Variants in NOTCH1 observed in about 807,000 individuals in gnomAD.
NOTCH1 encodes neurogenic locus notch homolog protein 1.
Under a neutral mutation model 254.8 loss-of-function variants are expected in NOTCH1, and 37 were observed. That is an observed-to-expected ratio of 0.15 (90% CI 0.11 to 0.19). The LOEUF is 0.19. Ranked by LOEUF, NOTCH1 falls within the 10% of genes least tolerant of loss-of-function variation. The pLI, the probability that NOTCH1 is intolerant of heterozygous loss-of-function variation, is 1.00. For synonymous variants in NOTCH1, 1,731 were observed against 1,618.1 expected, an observed-to-expected ratio of 1.07 and a Z score of -1.68; for missense variants, 2,972 against 3,708.6, an observed-to-expected ratio of 0.80 and a Z score of 5.16.
intron 26 of NOTCH1, among the ~76,000 whole-genome samples, chr9:136,504,244 C>A (rs1280283978): frequency 6.6e-6 from 1 of 152,228 alleles, no homozygotes; most frequent in Non-Finnish European, 1.5e-5. Context: ...CCTATGTTGC[C>A]CAGACTGGTC....
chr9:136,544,617 C>G (rs958195846), intron 1 of NOTCH1, among the ~76,000 whole-genome samples: 1 of 151,978 alleles, frequency 6.6e-6, no homozygotes, highest in Non-Finnish European at 1.5e-5. Context: ...GACAGCTGCT[C>G]GCCCGCTACC....
At chr9:136,527,247 C>T (rs571116640) in intron 2 of NOTCH1, among the ~76,000 whole-genome samples, 49 of 152,350 alleles carry the variant, frequency 3.2e-4, no homozygotes, top group African/African-American at 9.6e-4. Flanking sequence ...AGCACCCAGA[C>T]GTCCCTGAGA....
chr9:136,517,257 G>A lies in NOTCH1; in HGVS notation c.1555+15C>T, dbSNP rs577175237. 75 of 1,537,042 alleles carry A rather than the reference G, an allele frequency of 4.9e-5. No homozygotes were observed. The highest frequency in any genetic ancestry group is 1.1e-4 in the African/African-American group (8 of 73,342). ...TGCAGACGACCCGGGGGCAGGGGGC[G>A]GGGGTGGCCCTCACCCGTGGGGCAC... On this transcript the variant is annotated intron_variant, in intron 9 of 33. Coordinates refer to ENST00000651671, the MANE Select transcript of NOTCH1 (RefSeq NM_017617.5).
At chr9:136,510,019 G>T in intron 17 of NOTCH1, 58 bp from the exon 18 acceptor site, 2 of 1,519,170 alleles carry the variant, frequency 1.3e-6, no homozygotes, top group South Asian at 1.1e-5. Context: ...ACCTGCGGGA[G>T]GGGGCCGGGA....
intron 2 of NOTCH1, among the ~76,000 whole-genome samples, chr9:136,529,052 C>G (rs747998762): frequency 6.6e-6 from 1 of 152,152 alleles, no homozygotes; most frequent in Non-Finnish European, 1.5e-5. Context: ...GGCAGGGGCA[C>G]CCCCACGCCC....
intron 33 of NOTCH1, 45 bp from the exon 34 acceptor site, chr9:136,497,603 G>A (rs767028334): frequency 1.5e-5 from 23 of 1,488,926 alleles, no homozygotes; most frequent in African/African-American, 8.3e-5. Flanking sequence ...CAGGCCAGGC[G>A]TGGGGACCCT....
Position 136,505,742 on chromosome 9 carries a change from A to G in NOTCH1, c.4154T>C (p.Phe1385Ser), listed in dbSNP as rs1291346876. 1 of 1,591,074 alleles carries G rather than the reference A, an allele frequency of 6.3e-7. No individual in the cohort carries two copies. The highest frequency in any genetic ancestry group is 8.6e-7 in the Non-Finnish European group (1 of 1,167,014). ...GCCCAGGCAGGGGCTGCTGGCCGGG[A>G]ACTGGCATTCGGGGCCCGTGAAGGG... is the stretch of plus-strand genomic sequence containing the variant. ...LGPFTGPECQ[F>S]PASSPCLGGN... The change falls in exon 25 of 34, where the codon TTC becomes TCC. Residue 1385 changes from phenylalanine (F) to serine (S), a missense_variant. Phe to Ser is a radical substitution (Grantham distance 155). Around this residue, in one of 8 missense-constraint regions of NOTCH1, gnomAD observed 1,343 missense variants for 1,557.0 expected, o/e 0.86. Transcript: ENST00000651671.
chr9:136,535,261 A>G lies in NOTCH1; in HGVS notation c.140+8763T>C, dbSNP rs564309120. On this transcript the variant is annotated intron_variant, in intron 2 of 33. Transcript: ENST00000651671. ...AGGGGCCAGGCCCCCAGGGTTCACA[A>G]GGCCCCTTGGGGACCCACCCGAAGC... 2.6e-5 allele frequency among the ~76,000 whole-genome samples: 4 copies of G among 151,966 alleles called. No homozygotes were observed. The East Asian group carries it at 7.9e-4, about 30-fold the overall frequency.
intron 2 of NOTCH1, among the ~76,000 whole-genome samples, chr9:136,537,047 G>C (rs1216440793): frequency 6.6e-6 from 1 of 152,222 alleles, no homozygotes; most frequent in South Asian, 2.1e-4. Context: ...GCAGGACAGG[G>C]GCCGCGGGCA....
At chr9:136,507,852 C>A (rs1400427020) in intron 21 of NOTCH1, 103 bp downstream of exon 21, 3 of 1,189,072 alleles carry the variant, frequency 2.5e-6, no homozygotes, top group Non-Finnish European at 3.7e-6. Context: ...AGTGCATGGG[C>A]CTATCAGGTT....
At chr9:136,520,015 C>T (rs548698391) in intron 4 of NOTCH1, among the ~76,000 whole-genome samples, 2 of 152,252 alleles carry the variant, frequency 1.3e-5, no homozygotes, top group South Asian at 4.1e-4. Flanking sequence ...CCCCTCGCAG[C>T]CCCAGGGAAG....
At chr9:136,521,931 A>C (rs1025702602) in intron 4 of NOTCH1, among the ~76,000 whole-genome samples, 1 of 150,622 alleles carries the variant, frequency 6.6e-6, no homozygotes, top group Admixed American at 6.6e-5. Context: ...CCCACCTAAC[A>C]GCCATTCTGT....
At position 136,511,134 on chromosome 9, in the gene NOTCH1, G is replaced by C. The variant is rs771983170; in HGVS notation, c.2587+18C>G. 1 of 1,612,728 alleles carries C rather than the reference G, an allele frequency of 6.2e-7. No homozygotes were observed. The highest frequency in any genetic ancestry group is 8.5e-7 in the Non-Finnish European group (1 of 1,179,972). Reference sequence around the variant, plus strand: ...TGACCTCCCATCCCAGCCCTCACCGGGCCCTGGCCAGCCTCACCTTGCCAG... The same window carrying C: ...TGACCTCCCATCCCAGCCCTCACCGCGCCCTGGCCAGCCTCACCTTGCCAG... On this transcript the variant is annotated intron_variant, in intron 16 of 33. Transcript: ENST00000651671.
In NOTCH1 at chr9:136,495,347, A is replaced by G. The variant is rs1478923922; in HGVS notation, c.*724T>C. The G allele has an allele frequency of 2.5e-6, 1 of 398,842 alleles. No individual in the cohort carries two copies. Among genetic ancestry groups the G allele is most frequent in the East Asian group, 3.5e-5 (1 of 28,220 alleles). The allele number at this position is 398,842 out of a possible 1,614,324, so 24.7% of individuals were successfully genotyped here. A position where few individuals can be genotyped will look rare whatever the true frequency, so the allele number is the denominator to read the frequency against. On this transcript the variant is annotated 3_prime_UTR_variant, in exon 34 of 34. Coordinates refer to ENST00000651671, the MANE Select transcript of NOTCH1 (RefSeq NM_017617.5). Reference sequence around the variant, plus strand: ...ACTACATAATACTGAACCTGAAACAAAGATTCATGATTGGTACCATGGGTG... The same window carrying G: ...ACTACATAATACTGAACCTGAAACAGAGATTCATGATTGGTACCATGGGTG...
Position 136,519,477 on chromosome 9 carries a change from G to A in NOTCH1, c.831C>T (p.Asn277=), listed in dbSNP as rs1052281472. The A allele has an allele frequency of 1.2e-6, 2 of 1,612,962 alleles. No individual in the cohort carries two copies. The highest frequency in any genetic ancestry group is 1.7e-6 in the Non-Finnish European group (2 of 1,179,952). Residue 277 remains asparagine, a synonymous_variant, in exon 5 of 34, where the codon AAC becomes AAT. Coordinates refer to ENST00000651671, the MANE Select transcript of NOTCH1 (RefSeq NM_017617.5). ...CTGGCGGGCAGCGGCAGTTGTAGGT[G>A]TTCACGCCGTCCACACAGGCACCCC... The part of the protein sequence containing the change: ...KNGGACVDGV[N]TYNCRCPPEW...
chr9:136,505,229 C>T (rs1843061931), intron 25 of NOTCH1, 81 bp downstream of exon 25: 20 of 1,527,936 alleles, frequency 1.3e-5, no homozygotes, highest in Non-Finnish European at 1.5e-5. Context: ...AGCCTTAGAA[C>T]TGCATGCTGG....
chr9:136,521,102 C>T (rs866098124), intron 4 of NOTCH1, among the ~76,000 whole-genome samples: 6 of 152,352 alleles, frequency 3.9e-5, no homozygotes, highest in Admixed American at 3.3e-4. Flanking sequence ...CTCCTGACCA[C>T]CCAGAGGTGG....
At chr9:136,539,448 G>C (rs1335929084) in intron 2 of NOTCH1, among the ~76,000 whole-genome samples, 2 of 152,138 alleles carry the variant, frequency 1.3e-5, no homozygotes, top group East Asian at 1.9e-4. Flanking sequence ...GAGTGCAGTG[G>C]CACGATCTCA....
rs1290640224 is a variant in NOTCH1 at position 136,504,742 on chromosome 9, G to C, written c.4949C>G (p.Ala1650Gly). 1 of 1,546,236 alleles carries C rather than the reference G, an allele frequency of 6.5e-7. No homozygotes were observed. Among genetic ancestry groups the C allele is most frequent in the East Asian group, 2.4e-5 (1 of 40,966 alleles). Residue 1650 changes from alanine to glycine, a missense_variant, in exon 26 of 34, where the codon GCC (alanine) becomes GGC (glycine). Ala to Gly is a moderately conservative substitution (Grantham distance 60, BLOSUM62 0). Coordinates refer to ENST00000651671, the MANE Select transcript of NOTCH1 (RefSeq NM_017617.5). Reference protein sequence around the residue: ...APDALLGQVKASLLPGGSEGG... With the variant: ...APDALLGQVKGSLLPGGSEGG... ...CTCGCTGCCACCAGGGAGCAGCGAG[G>C]CCTTCACCTGGCCCAGCAGGGCGTC...
Sources: gnomAD v4.1 joint callset for allele counts (sites outside exome capture counted in the v4.1 genomes callset) on GRCh38, gnomAD v4.1.1 for gene constraint, gnomAD v4.1.1 regional missense constraint, MANE v1.5 for transcripts, NCBI Gene and HGNC (gene_info 2026-07-23, HGNC 2026-07-21) for gene names.